SRD5A2: variants seen among roughly 807,000 people sequenced by gnomAD.
The protein encoded by SRD5A2 is 3-oxo-5-alpha-steroid 4-dehydrogenase 2.
SRD5A2 carries 30 observed loss-of-function variants against 27.4 expected under a neutral mutation model. The ratio of observed to expected loss-of-function variants is 1.10; its 90% CI spans 0.82 to 1.49. The LOEUF is 1.49. SRD5A2 is among the 40% of genes most tolerant of loss of function. The pLI is 0.00. For missense variants in SRD5A2, 348 were observed against 323.4 expected, an observed-to-expected ratio of 1.08 and a Z score of -0.58; for synonymous variants, 141 against 133.6, an observed-to-expected ratio of 1.06 and a Z score of -0.38.
intron 1 of SRD5A2, among the ~76,000 whole-genome samples, chr2:31,565,626 A>G (rs75451752): frequency 6.6e-6 from 1 of 152,094 alleles, no homozygotes; most frequent in Non-Finnish European, 1.5e-5. Flanking sequence ...AGATTGTTTC[A>G]TCACGATAAA....
At chr2:31,581,770 C>T (rs28382992), upstream of SRD5A2, among the ~76,000 whole-genome samples, 1,949 of 152,284 alleles carry the variant, frequency 0.013, 19 homozygotes, top group Non-Finnish European at 0.019. Context: ...CCTGGGATGC[C>T]CTTTCCCAGC....
chr2:31,631,620 C>A, the SRD5A2 span, among the ~76,000 whole-genome samples: 1 of 152,096 alleles, frequency 6.6e-6, no homozygotes, highest in Non-Finnish European at 1.5e-5. Flanking sequence ...ACCCTGATGG[C>A]TATATTGATG....
chr2:31,657,571 A>G, the SRD5A2 span, among the ~76,000 whole-genome samples: 1 of 152,136 alleles, frequency 6.6e-6, no homozygotes, highest in East Asian at 1.9e-4. Context: ...ATTCTCTTGA[A>G]CTAGACCCTA....
chr2:31,630,777 A>G, the SRD5A2 span, among the ~76,000 whole-genome samples: 1 of 152,232 alleles, frequency 6.6e-6, no homozygotes, highest in Non-Finnish European at 1.5e-5. Flanking sequence ...GTGATTTAAC[A>G]TTAACCACTG....
chr2:31,649,909 A>ATTTC, the SRD5A2 span, among the ~76,000 whole-genome samples: 1 of 152,104 alleles, frequency 6.6e-6, no homozygotes, highest in Non-Finnish European at 1.5e-5. Flanking sequence ...TTGTCTTTTG[A>ATTTC]AACAATGACA....
At chr2:31,625,954 T>A in the SRD5A2 span, among the ~76,000 whole-genome samples, 1 of 152,220 alleles carries the variant, frequency 6.6e-6, no homozygotes, top group Non-Finnish European at 1.5e-5. Flanking sequence ...CCTTGGGCAC[T>A]ATGGCCATTT....
chr2:31,602,539 C>A, the SRD5A2 span, among the ~76,000 whole-genome samples: 1 of 151,936 alleles, frequency 6.6e-6, no homozygotes, highest in African/African-American at 2.4e-5. Flanking sequence ...CCATTCTTCA[C>A]AGAATTAGAA....
At chr2:31,553,187 A>T (rs549363658) in intron 1 of SRD5A2, among the ~76,000 whole-genome samples, 2 of 152,202 alleles carry the variant, frequency 1.3e-5, no homozygotes, top group African/African-American at 4.8e-5. Context: ...AGAAGGAATC[A>T]GTGAACTCAA....
chr2:31,579,172 C>T (rs1022353602), intron 1 of SRD5A2, among the ~76,000 whole-genome samples: 3 of 152,118 alleles, frequency 2.0e-5, no homozygotes, highest in Non-Finnish European at 2.9e-5. Context: ...CAGTTTAGTT[C>T]TTATTACTTG....
the SRD5A2 span, among the ~76,000 whole-genome samples, chr2:31,621,372 T>A: frequency 6.6e-6 from 1 of 152,086 alleles, no homozygotes; most frequent in African/African-American, 2.4e-5. Flanking sequence ...ATATGGTATG[T>A]AACCATTTGG....
chr2:31,553,860 G>GCT (rs1666432041), intron 1 of SRD5A2, among the ~76,000 whole-genome samples: 1 of 152,156 alleles, frequency 6.6e-6, no homozygotes, highest in Non-Finnish European at 1.5e-5. Context: ...AGGTATATTA[G>GCT]CTCCCTGTGG....
intron 1 of SRD5A2, among the ~76,000 whole-genome samples, chr2:31,551,612 T>A (rs992529661): frequency 6.6e-6 from 1 of 152,206 alleles, no homozygotes; most frequent in Non-Finnish European, 1.5e-5. Context: ...AACAGAACAG[T>A]GTGTGGACAC....
the SRD5A2 span, among the ~76,000 whole-genome samples, chr2:31,617,846 C>A: frequency 1.3e-5 from 2 of 152,218 alleles, no homozygotes; most frequent in Admixed American, 6.5e-5. Context: ...TCCAAACTTT[C>A]CCACATTTTC....
the SRD5A2 span, among the ~76,000 whole-genome samples, chr2:31,641,930 A>T: frequency 6.6e-6 from 1 of 152,114 alleles, no homozygotes; most frequent in African/African-American, 2.4e-5. Context: ...AAGCAAAGCA[A>T]CTAGAATAGC....
At chr2:31,611,704 C>A in the SRD5A2 span, among the ~76,000 whole-genome samples, 1 of 152,192 alleles carries the variant, frequency 6.6e-6, no homozygotes, top group African/African-American at 2.4e-5. Flanking sequence ...TCATATATTG[C>A]TGGGTGGAAG....
At chr2:31,607,287 T>C in the SRD5A2 span, among the ~76,000 whole-genome samples, 1 of 151,878 alleles carries the variant, frequency 6.6e-6, no homozygotes, top group African/African-American at 2.4e-5. Flanking sequence ...AGTTTACAGA[T>C]TCAAGGTTCT....
the SRD5A2 span, chr2:31,651,675 T>G: frequency 2.5e-5 from 4 of 158,474 alleles, no homozygotes; most frequent in African/African-American, 9.6e-5. Context: ...CACCCTCTAC[T>G]GCCACCACCT....
the SRD5A2 span, among the ~76,000 whole-genome samples, chr2:31,587,917 T>C: frequency 1.3e-5 from 2 of 152,154 alleles, no homozygotes; most frequent in Admixed American, 6.5e-5. Context: ...GTAGAATTTT[T>C]AAAAATTTTA....
chr2:31,646,062 G>A, the SRD5A2 span, among the ~76,000 whole-genome samples: 1 of 151,938 alleles, frequency 6.6e-6, no homozygotes, highest in Non-Finnish European at 1.5e-5. Context: ...TTGTATTAAT[G>A]ATAATTAGAA....
Sources: allele counts gnomAD v4.1 joint callset (sites outside exome capture counted in the v4.1 genomes callset), GRCh38; gene constraint gnomAD v4.1.1; transcripts MANE v1.5; gene names NCBI Gene and HGNC (gene_info 2026-07-23, HGNC 2026-07-21).